The following OSBPL1A variants were observed in gnomAD, a reference collection of about 807,000 sequenced individuals.
The protein encoded by OSBPL1A is oxysterol-binding protein-related protein 1.
Under a neutral mutation model 137.1 loss-of-function variants are expected in OSBPL1A, and 80 were observed. That is an observed-to-expected ratio of 0.58 (90% confidence interval 0.49 to 0.70). The LOEUF is 0.70. Ranked by LOEUF, OSBPL1A falls within the 30% of genes least tolerant of loss-of-function variation. The pLI is 0.00. For missense variants in OSBPL1A, 970 were observed against 1,129.4 expected (o/e 0.86, Z 2.02); for synonymous variants, 365 against 389.7 (o/e 0.94, Z 0.75).
intron 14 of OSBPL1A, among the ~76,000 whole-genome samples, chr18:24,294,263 G>A (rs2090248723): frequency 1.3e-5 from 2 of 150,156 alleles, no homozygotes; most frequent in African/African-American, 4.9e-5. Flanking sequence ...ATGGAGTCTT[G>A]CTCTGTTGCC....
intron 24 of OSBPL1A, among the ~76,000 whole-genome samples, 163 bp from the exon 25 acceptor site, chr18:24,167,608 T>C (rs1051007880): frequency 2.0e-5 from 3 of 152,204 alleles, no homozygotes; most frequent in East Asian, 1.9e-4. Context: ...GCATTTGATA[T>C]TGGCACTGTG....
intron 2 of OSBPL1A, among the ~76,000 whole-genome samples, chr18:24,369,276 T>C (rs1375423914): frequency 6.6e-6 from 1 of 152,010 alleles, no homozygotes; most frequent in Non-Finnish European, 1.5e-5. Flanking sequence ...ATCTTAGGAG[T>C]AGAGCTGAGG....
intron 16 of OSBPL1A, among the ~76,000 whole-genome samples, chr18:24,225,719 T>C (rs1218639577): frequency 6.6e-6 from 1 of 151,934 alleles, no homozygotes; most frequent in South Asian, 2.1e-4. Context: ...CCCAGTACTA[T>C]GGGAGGCTGG....
In OSBPL1A at chr18:24,316,779, G is replaced by GT. The variant is rs763543830; in HGVS notation, c.870+369dup. 3.0e-4 allele frequency among the ~76,000 whole-genome samples: 46 copies of GT among 152,106 alleles called. No individual in the cohort carries two copies. The Middle Eastern group carries it at 0.014, about 45-fold the overall frequency. ...ACCATGACTGAATTAATATTGATAGGTCCCTACAACCAACAACAATAGCAA... is the reference window on the plus strand; with the variant it reads ...ACCATGACTGAATTAATATTGATAGGTTCCCTACAACCAACAACAATAGCAA... On this transcript the variant is annotated intron_variant, in intron 11 of 27. Coordinates refer to ENST00000319481, the MANE Select transcript of OSBPL1A (RefSeq NM_080597.4).
At chr18:24,167,502 G>T in intron 24 of OSBPL1A, 57 bp from the exon 25 acceptor site, 1 of 1,367,650 alleles carries the variant, frequency 7.3e-7, no homozygotes, top group South Asian at 1.2e-5. Flanking sequence ...ATACAGTCAA[G>T]CACCACATAA....
intron 16 of OSBPL1A, among the ~76,000 whole-genome samples, chr18:24,226,635 A>C (rs916196392): frequency 2.0e-5 from 3 of 152,218 alleles, no homozygotes; most frequent in African/African-American, 4.8e-5. Context: ...ACTGCATTAC[A>C]TAATTCAGCA....
intron 14 of OSBPL1A, among the ~76,000 whole-genome samples, chr18:24,281,510 C>T (rs960998925): frequency 5.3e-5 from 8 of 152,022 alleles, no homozygotes; most frequent in South Asian, 2.1e-4. Context: ...GCCTCAGCCT[C>T]CCGAGTAGAT....
intron 15 of OSBPL1A, among the ~76,000 whole-genome samples, chr18:24,270,156 AAC>A (rs1470344959): frequency 1.3e-5 from 2 of 152,352 alleles, no homozygotes; most frequent in East Asian, 3.9e-4. Flanking sequence ...AAAGCTGATA[AAC>A]AGTCATATAT....
chr18:24,317,591 A>G (rs576026761), intron 9 of OSBPL1A, among the ~76,000 whole-genome samples, 191 bp from the exon 10 acceptor site: 4 of 152,344 alleles, frequency 2.6e-5, no homozygotes, highest in African/African-American at 9.6e-5. Context: ...ACAGGGTGAC[A>G]GGAACAGCAG....
At chr18:24,252,234 A>G (rs904130809) in intron 15 of OSBPL1A, among the ~76,000 whole-genome samples, 1 of 152,200 alleles carries the variant, frequency 6.6e-6, no homozygotes, top group East Asian at 1.9e-4. Context: ...TAGGACACCA[A>G]GCAGATTTAA....
At chr18:24,304,175 T>G (rs1295003487) in intron 13 of OSBPL1A, among the ~76,000 whole-genome samples, 1 of 152,160 alleles carries the variant, frequency 6.6e-6, no homozygotes, top group Non-Finnish European at 1.5e-5. Flanking sequence ...AAGCTGATTC[T>G]CGTTCAGCAA....
chr18:24,315,589 AT>A (rs1284359927), intron 11 of OSBPL1A, among the ~76,000 whole-genome samples: 25 of 88,146 alleles, frequency 2.8e-4, no homozygotes, highest in African/African-American at 1.1e-3. Flanking sequence ...TTATAATCAT[AT>A]TAATATTATT....
chr18:24,332,417 G>T (rs1477107522), intron 7 of OSBPL1A, among the ~76,000 whole-genome samples: 2 of 107,470 alleles, frequency 1.9e-5, no homozygotes, highest in Admixed American at 9.0e-5. Flanking sequence ...AAAAAAAAAG[G>T]CCCCTAGCAT....
In OSBPL1A at chr18:24,225,001, C is replaced by T. The variant is rs201376593; in HGVS notation, c.1601+41G>A. On this transcript the variant is annotated intron_variant, in intron 17 of 27. Transcript: ENST00000319481. ...CTTTATGAATCCAAATGTACTTTATCGTAAAAACGCAGCAGTGACAACTGT... is the reference window on the plus strand; with the variant it reads ...CTTTATGAATCCAAATGTACTTTATTGTAAAAACGCAGCAGTGACAACTGT... 1.8e-4 allele frequency: 284 copies of T among 1,609,418 alleles called. 2 individuals carry two copies. The South Asian group carries it at 2.9e-3, about 16-fold the overall frequency.
rs546215466 is a variant in OSBPL1A at position 24,320,207 on chromosome 18, C to T, written c.626-1398G>A. Among the ~76,000 whole-genome samples, 9 of 151,886 alleles carry T rather than the reference C, an allele frequency of 5.9e-5. No homozygotes were observed. In the East Asian group the frequency reaches 7.7e-4, roughly 13 times the overall value. Reference sequence around the variant, plus strand: ...CCCCTAATGAGGGTCTGTTATGTACCGATTACTATTTTAGGCACTGAGGAT... The same window carrying T: ...CCCCTAATGAGGGTCTGTTATGTACTGATTACTATTTTAGGCACTGAGGAT... On this transcript the variant is annotated intron_variant, in intron 7 of 27. Transcript: ENST00000319481.
intron 11 of OSBPL1A, among the ~76,000 whole-genome samples, chr18:24,315,934 A>T (rs1476327852): frequency 2.2e-5 from 3 of 138,766 alleles, no homozygotes; most frequent in Non-Finnish European, 3.0e-5. Flanking sequence ...TATAATAATA[A>T]TATTAATAAT....
intron 1 of OSBPL1A, among the ~76,000 whole-genome samples, chr18:24,387,686 T>C (rs1183587321): frequency 1.3e-5 from 2 of 151,966 alleles, no homozygotes; most frequent in African/African-American, 4.8e-5. Flanking sequence ...AGCACTGGGA[T>C]TACAGGCATG....
intron 17 of OSBPL1A, among the ~76,000 whole-genome samples, chr18:24,206,621 C>T (rs1202768184): frequency 3.9e-5 from 6 of 152,152 alleles, no homozygotes; most frequent in African/African-American, 9.7e-5. Context: ...CATCCAGATC[C>T]GAGGGTTACG....
Position 24,342,318 on chromosome 18 carries a change from G to A in OSBPL1A, c.283-660C>T, listed in dbSNP as rs140361116. Among the ~76,000 whole-genome samples, 562 of 152,122 alleles carry A rather than the reference G, an allele frequency of 3.7e-3. 2 individuals carry two copies. Among genetic ancestry groups the A allele is most frequent in the Middle Eastern group, 0.014 (4 of 294 alleles). ...AATGTACATACGTCCAGTATCACTG[G>A]GCCAGTTATACAACTTAACAAGACA... On this transcript the variant is annotated intron_variant, in intron 4 of 27. Transcript: ENST00000319481.
Sources: gnomAD v4.1 joint callset for allele counts (sites outside exome capture counted in the v4.1 genomes callset) on GRCh38, gnomAD v4.1.1 for gene constraint, MANE v1.5 for transcripts, NCBI Gene and HGNC (gene_info 2026-07-23, HGNC 2026-07-21) for gene names.